PDK3: variants seen among roughly 807,000 people sequenced by gnomAD.
PDK3 encodes pyruvate dehydrogenase kinase, isozyme 3.
PDK3 carries 12 observed loss-of-function variants against 32.0 expected under a neutral mutation model. That is an observed-to-expected ratio of 0.37 (90% CI 0.24 to 0.61). The LOEUF (loss-of-function observed/expected upper bound fraction) is 0.61, where lower values mean the gene tolerates loss of function less well. Ranked by LOEUF, PDK3 falls within the 20% of genes least tolerant of loss-of-function variation. The pLI, the probability that PDK3 is intolerant of heterozygous loss-of-function variation, is 0.65. For missense variants in PDK3, 188 were observed against 316.9 expected, an observed-to-expected ratio of 0.59 and a Z score of 3.09; for synonymous variants, 122 against 116.3, an observed-to-expected ratio of 1.05 and a Z score of -0.31.
chrX:24,498,943 A>G (rs768066210), intron 3 of PDK3, 43 bp downstream of exon 3: 2 of 812,186 alleles, frequency 2.5e-6, no homozygotes, highest in Middle Eastern at 4.0e-4. Context: ...ATATCTAGGT[A>G]AGAAAGATTT....
At chrX:24,488,410 C>A (rs1482544320) in intron 1 of PDK3, among the ~76,000 whole-genome samples, 2 of 112,262 alleles carry the variant, frequency 1.8e-5, no homozygotes, top group Non-Finnish European at 3.8e-5. Context: ...AAACAGAGGC[C>A]AGGCGCAGTG....
intron 2 of PDK3, among the ~76,000 whole-genome samples, chrX:24,495,827 G>A (rs1184436176): frequency 8.9e-6 from 1 of 111,957 alleles, no homozygotes; most frequent in Non-Finnish European, 1.9e-5. Flanking sequence ...CCCATCCTGA[G>A]GCTATCTAGA....
At chrX:24,531,827 T>A in intron 10 of PDK3, 57 bp downstream of exon 10, 2 of 600,773 alleles carry the variant, frequency 3.3e-6, no homozygotes, top group South Asian at 2.6e-5. Flanking sequence ...CTGTAAGTTC[T>A]AATCGCTGAT....
intron 2 of PDK3, among the ~76,000 whole-genome samples, chrX:24,497,508 A>G (rs1358667311): frequency 9.0e-6 from 1 of 110,749 alleles, no homozygotes; most frequent in South Asian, 3.7e-4. Context: ...CTGGTCTTGA[A>G]CTCCTGGCCT....
chrX:24,512,817 T>C (rs1284079932), intron 5 of PDK3, among the ~76,000 whole-genome samples: 1 of 111,194 alleles, frequency 9.0e-6, no homozygotes, highest in Non-Finnish European at 1.9e-5. Context: ...TTTCTGTGTG[T>C]CTTTGCAGCT....
intron 10 of PDK3, 21 bp from the exon 11 acceptor site, chrX:24,533,908 A>AT (rs767502819): frequency 8.5e-7 from 1 of 1,178,798 alleles, no homozygotes; most frequent in Non-Finnish European, 1.1e-6. Context: ...CCTTTGGTGT[A>AT]TATTTTTGTT....
At chrX:24,474,534 C>T (rs931788456) in intron 1 of PDK3, among the ~76,000 whole-genome samples, 5 of 109,828 alleles carry the variant, frequency 4.6e-5, no homozygotes, top group Non-Finnish European at 7.6e-5. Flanking sequence ...GTGCCTCAGC[C>T]TCCCGAGTAC....
intron 1 of PDK3, among the ~76,000 whole-genome samples, chrX:24,484,850 C>A (rs772923866): frequency 5.4e-5 from 6 of 110,497 alleles, no homozygotes; most frequent in African/African-American, 2.0e-4. Context: ...CTATTCCTCT[C>A]TCTCTCTCTC....
intron 2 of PDK3, among the ~76,000 whole-genome samples, chrX:24,495,909 A>G (rs1921688609): frequency 8.9e-6 from 1 of 112,175 alleles, no homozygotes; most frequent in African/African-American, 3.2e-5. Context: ...GGATAGCAGA[A>G]GACAATCCTA....
chrX:24,484,779 T>C (rs1921355738), intron 1 of PDK3, among the ~76,000 whole-genome samples: 1 of 111,439 alleles, frequency 9.0e-6, no homozygotes. Flanking sequence ...GTTCTAGTTA[T>C]AGGAAGATTT....
chrX:24,499,339 G>GT (rs1215308850), intron 3 of PDK3, among the ~76,000 whole-genome samples: 1 of 111,453 alleles, frequency 9.0e-6, no homozygotes, highest in Non-Finnish European at 1.9e-5. Context: ...ATAAAAGTAT[G>GT]TTTTTTTATA....
At chrX:24,466,920 A>G (rs1268005406) in intron 1 of PDK3, among the ~76,000 whole-genome samples, 1 of 112,126 alleles carries the variant, frequency 8.9e-6, no homozygotes, top group Non-Finnish European at 1.9e-5. Flanking sequence ...AAGATTCTGA[A>G]GGTATCAGCC....
intron 1 of PDK3, among the ~76,000 whole-genome samples, chrX:24,493,487 G>A (rs1166932858): frequency 9.0e-6 from 1 of 111,511 alleles, no homozygotes; most frequent in Non-Finnish European, 1.9e-5. Flanking sequence ...AGAATAAGGA[G>A]AGTTTGGAAG....
intron 1 of PDK3, among the ~76,000 whole-genome samples, chrX:24,489,060 G>A (rs1486150105): frequency 9.0e-6 from 1 of 111,710 alleles, no homozygotes; most frequent in Non-Finnish European, 1.9e-5. Flanking sequence ...GAACCCTCTG[G>A]CGAGGACATT....
At chrX:24,530,032 A>G (rs976697722) in intron 9 of PDK3, among the ~76,000 whole-genome samples, 9 of 111,391 alleles carry the variant, frequency 8.1e-5, no homozygotes, top group African/African-American at 2.9e-4. Flanking sequence ...CTGGGCTTAC[A>G]CTCACATCTG....
At chrX:24,523,135 A>G (rs1569226536) in intron 6 of PDK3, among the ~76,000 whole-genome samples, 2 of 110,890 alleles carry the variant, frequency 1.8e-5, no homozygotes, top group Admixed American at 1.9e-4. Flanking sequence ...GTGTCTAGTG[A>G]GGACCCACCT....
rs138920639 is a variant in PDK3, at chrX:24,519,116, T to G, written c.673+106T>G. ...CTCCAAAAATTATACTGATTTTTCA[T>G]TTTCTTATATCTTTTTAAAACTTTC... On this transcript the variant is annotated intron_variant, in intron 6 of 10. Coordinates refer to ENST00000379162, the MANE Select transcript of PDK3 (RefSeq NM_005391.5). 833 of 496,372 alleles carry G rather than the reference T, an allele frequency of 1.7e-3. 4 individuals are homozygous for G. In the African/African-American group the frequency reaches 0.017, roughly 10 times the overall value. 40.9% of individuals were successfully genotyped at this position (496,372 alleles called of 1,213,427 possible). A position where few individuals can be genotyped will look rare whatever the true frequency, so the allele number is the denominator to read the frequency against.
chrX:24,467,327 T>C, intron 1 of PDK3, among the ~76,000 whole-genome samples: 1 of 112,403 alleles, frequency 8.9e-6, no homozygotes, highest in African/African-American at 3.2e-5. Context: ...CTCACCACTA[T>C]ACGATTGTGA....
At chrX:24,465,610 G>C (rs766174066) in intron 1 of PDK3, 49 bp downstream of exon 1, 2 of 930,026 alleles carry the variant, frequency 2.2e-6, no homozygotes, top group Non-Finnish European at 1.5e-6. Flanking sequence ...GCCGCCATTC[G>C]GGCTGCCACC....
Sources: allele counts gnomAD v4.1 joint callset (sites outside exome capture counted in the v4.1 genomes callset), GRCh38; gene constraint gnomAD v4.1.1; transcripts MANE v1.5; gene names NCBI Gene and HGNC (gene_info 2026-07-23, HGNC 2026-07-21).